Variants in CCSER1 observed in about 807,000 individuals in gnomAD.
The protein encoded by CCSER1 is coiled-coil serine rich protein 1, also known as serine-rich coiled-coil domain-containing protein 1.
Under a neutral mutation model 82.0 loss-of-function variants are expected in CCSER1, and 41 were observed. The ratio of observed to expected loss-of-function variants is 0.50; its 90% confidence interval spans 0.39 to 0.65. The LOEUF is 0.65. Ranked by LOEUF, CCSER1 falls within the 30% of genes least tolerant of loss-of-function variation. CCSER1 has a pLI of 0.00. For missense variants in CCSER1, 1,119 were observed against 1,064.2 expected (o/e 1.05, Z -0.72); for synonymous variants, 414 against 383.9 (o/e 1.08, Z -0.92).
At chr4:91,413,569 A>G (rs1753190076) in intron 10 of CCSER1, among the ~76,000 whole-genome samples, 2 of 152,056 alleles carry the variant, frequency 1.3e-5, no homozygotes, top group South Asian at 4.1e-4. Flanking sequence ...GACACCATGA[A>G]GTGTGTGAAT....
chr4:90,932,952 A>G (rs1423991559), intron 9 of CCSER1, among the ~76,000 whole-genome samples: 2 of 42,968 alleles, frequency 4.7e-5, no homozygotes, highest in South Asian at 1.2e-3. Flanking sequence ...GAAAGAAAGA[A>G]AGAAAGAAAG....
At chr4:90,317,747 G>A (rs1374245176) in intron 3 of CCSER1, among the ~76,000 whole-genome samples, 1 of 152,222 alleles carries the variant, frequency 6.6e-6, no homozygotes, top group East Asian at 1.9e-4. Flanking sequence ...TCTGTTCAAT[G>A]TCTCCTCCTC....
At chr4:91,030,984 A>G (rs561294450) in intron 9 of CCSER1, among the ~76,000 whole-genome samples, 54 of 152,280 alleles carry the variant, frequency 3.5e-4, no homozygotes, top group Admixed American at 5.9e-4. Flanking sequence ...AAGTTCATTT[A>G]GTTTCAGACT....
intron 6 of CCSER1, among the ~76,000 whole-genome samples, chr4:90,709,950 T>TG (rs1284974876): frequency 6.6e-6 from 1 of 151,492 alleles, no homozygotes; most frequent in Non-Finnish European, 1.5e-5. Flanking sequence ...GCATCTGTTT[T>TG]TTTTTTTTTT....
chr4:91,456,441 G>C (rs906120064), intron 10 of CCSER1, among the ~76,000 whole-genome samples: 1 of 152,068 alleles, frequency 6.6e-6, no homozygotes, highest in African/African-American at 2.4e-5. Flanking sequence ...TTTCAAAGGA[G>C]AAATGGCTAG....
intron 9 of CCSER1, among the ~76,000 whole-genome samples, chr4:90,970,963 A>C (rs765619733): frequency 6.6e-6 from 1 of 151,964 alleles, no homozygotes; most frequent in Non-Finnish European, 1.5e-5. Context: ...CCATGTTAAG[A>C]GAAAAAGGCC....
At chr4:90,229,294 G>A (rs1450861827) in intron 1 of CCSER1, among the ~76,000 whole-genome samples, 1 of 152,202 alleles carries the variant, frequency 6.6e-6, no homozygotes, top group Non-Finnish European at 1.5e-5. Context: ...CTACAAGCCA[G>A]AAGAGAGTGG....
intron 6 of CCSER1, among the ~76,000 whole-genome samples, chr4:90,694,565 G>A (rs769742555): frequency 6.6e-6 from 1 of 152,030 alleles, no homozygotes. Flanking sequence ...GCTAGTGAAT[G>A]TTTTGTGCAA....
chr4:91,593,970 A>G (rs1162638599), intron 10 of CCSER1, among the ~76,000 whole-genome samples: 1 of 152,270 alleles, frequency 6.6e-6, no homozygotes, highest in African/African-American at 2.4e-5. Context: ...AGACAATTAA[A>G]AGGTAACAAT....
intron 6 of CCSER1, among the ~76,000 whole-genome samples, chr4:90,720,936 G>A (rs1265836188): frequency 2.0e-5 from 3 of 151,722 alleles, no homozygotes; most frequent in African/African-American, 4.8e-5. Context: ...GAATGAAATC[G>A]CTTGTCAATT....
chr4:90,486,076 C>T (rs1177901766), intron 5 of CCSER1, among the ~76,000 whole-genome samples: 1 of 152,152 alleles, frequency 6.6e-6, no homozygotes, highest in Non-Finnish European at 1.5e-5. Flanking sequence ...GTTCACAAAT[C>T]AGAGGTCCTT....
At chr4:91,113,499 G>A (rs1248565227) in intron 10 of CCSER1, among the ~76,000 whole-genome samples, 1 of 152,172 alleles carries the variant, frequency 6.6e-6, no homozygotes, top group African/African-American at 2.4e-5. Context: ...GTAGAGGTGG[G>A]ATTTAAATTT....
Position 91,234,504 on chromosome 4 carries a change from A to G in CCSER1, c.2217+148510A>G, listed in dbSNP as rs964605068. On this transcript the variant is annotated intron_variant, in intron 10 of 10. Transcript: ENST00000509176. ...AATGACCTAAAAGCCAGAAATATTT[A>G]TATTTTGCAGAATGCAGGATAGAAT... is the stretch of plus-strand genomic sequence containing the variant. Among the ~76,000 whole-genome samples the G allele has an allele frequency of 2.0e-5, 3 of 152,202 alleles. No homozygotes were observed. The East Asian group carries it at 5.8e-4, about 29-fold the overall frequency.
chr4:90,494,188 A>T (rs1057193144), intron 5 of CCSER1, among the ~76,000 whole-genome samples: 4 of 152,242 alleles, frequency 2.6e-5, no homozygotes, highest in Admixed American at 6.5e-5. Flanking sequence ...ATAATGGTAA[A>T]GGGATCAATT....
intron 1 of CCSER1, among the ~76,000 whole-genome samples, chr4:90,307,730 T>C (rs933475209): frequency 1.1e-4 from 17 of 152,082 alleles, no homozygotes; most frequent in African/African-American, 3.9e-4. Context: ...GGCTATACCA[T>C]TGTCTTGTTT....
At chr4:91,496,645 C>CA (rs1267813472) in intron 10 of CCSER1, among the ~76,000 whole-genome samples, 2 of 20,050 alleles carry the variant, frequency 1.0e-4, no homozygotes, top group African/African-American at 2.5e-4. Context: ...TATATATATT[C>CA]AATATATATT....
intron 10 of CCSER1, among the ~76,000 whole-genome samples, chr4:91,484,917 T>A (rs1371362798): frequency 6.6e-6 from 1 of 152,180 alleles, no homozygotes; most frequent in Non-Finnish European, 1.5e-5. Context: ...GTTAAAATGG[T>A]AGCATTGTCA....
chr4:90,143,620 C>A (rs544042840), intron 1 of CCSER1, among the ~76,000 whole-genome samples: 7 of 148,790 alleles, frequency 4.7e-5, no homozygotes, highest in Non-Finnish European at 1.0e-4. Context: ...TTTCTTTTTT[C>A]TTTTTTAACA....
At chr4:90,389,981 A>G (rs992073129) in intron 3 of CCSER1, among the ~76,000 whole-genome samples, 9 of 152,100 alleles carry the variant, frequency 5.9e-5, no homozygotes, top group African/African-American at 1.7e-4. Flanking sequence ...AGCACCTATT[A>G]TATGTATTGT....
Sources: gnomAD v4.1 joint callset for allele counts (sites outside exome capture counted in the v4.1 genomes callset) on GRCh38, gnomAD v4.1.1 for gene constraint, MANE v1.5 for transcripts, NCBI Gene and HGNC (gene_info 2026-07-23, HGNC 2026-07-21) for gene names.